The following NXPH1 variants were observed in gnomAD, a reference collection of about 807,000 sequenced individuals.
NXPH1 encodes the protein neurexophilin 1.
In NXPH1, 5 loss-of-function variants were observed where a neutral mutation model predicts 23.7. That is an observed-to-expected ratio of 0.21 (90% CI 0.11 to 0.44). NXPH1 has a LOEUF of 0.44. Among genes scored for constraint, NXPH1 ranks in the 20% least tolerant of loss-of-function variants. NXPH1 has a pLI of 0.99. For missense variants in NXPH1, 324 were observed against 321.6 expected (o/e 1.01, Z -0.06); for synonymous variants, 144 against 122.2 (o/e 1.18, Z -1.18).
intron 2 of NXPH1, among the ~76,000 whole-genome samples, chr7:8,453,625 T>C (rs931228686): frequency 2.6e-5 from 4 of 152,190 alleles, no homozygotes; most frequent in African/African-American, 7.2e-5. Context: ...ATGATATTGG[T>C]ACTACTGCAT....
At chr7:8,440,992 T>C (rs1471215660) in intron 2 of NXPH1, among the ~76,000 whole-genome samples, 1 of 152,202 alleles carries the variant, frequency 6.6e-6, no homozygotes, top group African/African-American at 2.4e-5. Context: ...CTCTGAAAGT[T>C]TGCCTGCTCT....
chr7:8,719,333 G>T (rs139836283), intron 2 of NXPH1, among the ~76,000 whole-genome samples: 2 of 152,222 alleles, frequency 1.3e-5, no homozygotes, highest in African/African-American at 4.8e-5. Flanking sequence ...GATGGCTCCA[G>T]GCCAGCAAAG....
intron 2 of NXPH1, among the ~76,000 whole-genome samples, chr7:8,608,124 T>C (rs1819540746): frequency 6.6e-6 from 1 of 152,196 alleles, no homozygotes; most frequent in African/African-American, 2.4e-5. Flanking sequence ...GGAGAATACA[T>C]TTCCATTGTT....
At chr7:8,445,036 C>T (rs190827751) in intron 2 of NXPH1, among the ~76,000 whole-genome samples, 3 of 152,190 alleles carry the variant, frequency 2.0e-5, no homozygotes, top group African/African-American at 4.8e-5. Flanking sequence ...TCCTCCCACC[C>T]TCTTCATTTT....
intron 2 of NXPH1, among the ~76,000 whole-genome samples, chr7:8,608,305 G>T (rs10254831): frequency 0.28 from 42,341 of 151,576 alleles, 6,428 homozygotes; most frequent in African/African-American, 0.37. Flanking sequence ...TTATTCATTA[G>T]GACAAATTCT....
chr7:8,512,802 A>C (rs966787479), intron 2 of NXPH1, among the ~76,000 whole-genome samples: 1 of 152,106 alleles, frequency 6.6e-6, no homozygotes, highest in African/African-American at 2.4e-5. Flanking sequence ...ATGTGTAGAA[A>C]AGGAGCGTTT....
chr7:8,529,471 A>G (rs1817918510), intron 2 of NXPH1, among the ~76,000 whole-genome samples: 1 of 152,148 alleles, frequency 6.6e-6, no homozygotes, highest in African/African-American at 2.4e-5. Flanking sequence ...ACTTGATGGG[A>G]GTCATGATAA....
intron 2 of NXPH1, among the ~76,000 whole-genome samples, chr7:8,655,596 GTTTA>G (rs370380856): frequency 3.0e-5 from 2 of 66,336 alleles, no homozygotes; most frequent in Non-Finnish European, 6.7e-5. Context: ...GTGTGTGTAT[GTTTA>G]TGTGTGTGTG....
At chr7:8,438,341 G>T (rs142712121) in intron 2 of NXPH1, among the ~76,000 whole-genome samples, 3 of 152,314 alleles carry the variant, frequency 2.0e-5, no homozygotes, top group African/African-American at 4.8e-5. Context: ...ACCTGCACTG[G>T]ATGCATACAG....
chr7:8,440,778 G>T (rs1816283353), intron 2 of NXPH1, among the ~76,000 whole-genome samples: 1 of 151,932 alleles, frequency 6.6e-6, no homozygotes, highest in Non-Finnish European at 1.5e-5. Context: ...TTGACTAGGG[G>T]GGCGATGGGG....
intron 2 of NXPH1, among the ~76,000 whole-genome samples, chr7:8,456,657 G>A (rs1003791589): frequency 6.6e-5 from 10 of 152,030 alleles, no homozygotes; most frequent in Non-Finnish European, 7.4e-5. Context: ...ATTTTGAGCT[G>A]AAAAACCAAA....
intron 2 of NXPH1, among the ~76,000 whole-genome samples, chr7:8,436,499 G>C (rs1005830960): frequency 1.3e-5 from 2 of 152,098 alleles, no homozygotes; most frequent in Non-Finnish European, 2.9e-5. Context: ...AGAGTTTTCC[G>C]GGGGGCTGGA....
intron 2 of NXPH1, among the ~76,000 whole-genome samples, chr7:8,635,688 C>T (rs540238137): frequency 2.6e-5 from 4 of 152,280 alleles, no homozygotes; most frequent in African/African-American, 9.6e-5. Context: ...AATGTAATAA[C>T]AGATCAACCC....
rs1303180754 is a variant in NXPH1, at chr7:8,750,711, GT to G, written c.55-292del. ...TATAATTTTCAGGTCATATTTAGTA[GT>G]TTTTCCACCCACATCTCCCTTCTTC... On this transcript the variant is annotated intron_variant, in intron 2 of 2. Coordinates refer to ENST00000405863, the MANE Select transcript of NXPH1 (RefSeq NM_152745.3). Among the ~76,000 whole-genome samples, 6 of 152,186 alleles carry G rather than the reference GT, an allele frequency of 3.9e-5. 1 individual carries two copies. Among genetic ancestry groups the G allele is most frequent in the African/African-American group, 1.4e-4 (6 of 41,516 alleles).
intron 2 of NXPH1, among the ~76,000 whole-genome samples, chr7:8,719,853 C>A (rs963132790): frequency 6.6e-6 from 1 of 151,852 alleles, no homozygotes; most frequent in African/African-American, 2.4e-5. Flanking sequence ...ATAAAAAATA[C>A]AATATTATTA....
At chr7:8,733,073 C>T (rs1473996343) in intron 2 of NXPH1, among the ~76,000 whole-genome samples, 1 of 151,990 alleles carries the variant, frequency 6.6e-6, no homozygotes, top group Admixed American at 6.6e-5. Flanking sequence ...GTTTCCCTCC[C>T]TGTGTCCATG....
chr7:8,609,635 G>T (rs763552633), intron 2 of NXPH1, among the ~76,000 whole-genome samples: 10 of 152,108 alleles, frequency 6.6e-5, no homozygotes, highest in Admixed American at 3.3e-4. Context: ...TAGTATTACA[G>T]ACAAAAATCC....
At chr7:8,484,916 T>C (rs529959470) in intron 2 of NXPH1, among the ~76,000 whole-genome samples, 3 of 152,308 alleles carry the variant, frequency 2.0e-5, no homozygotes, top group Admixed American at 6.5e-5. Context: ...TAAAAAAATA[T>C]ACAAGTGAGG....
chr7:8,662,034 TAAA>T (rs1376884984), intron 2 of NXPH1, among the ~76,000 whole-genome samples: 3 of 152,050 alleles, frequency 2.0e-5, no homozygotes, highest in Non-Finnish European at 4.4e-5. Flanking sequence ...TCAAGTAAGT[TAAA>T]ATATAAAGAC....
Sources: allele counts gnomAD v4.1 joint callset (sites outside exome capture counted in the v4.1 genomes callset), GRCh38; gene constraint gnomAD v4.1.1; transcripts MANE v1.5; gene names NCBI Gene and HGNC (gene_info 2026-07-23, HGNC 2026-07-21).